The following C8orf34 variants were observed in gnomAD, a reference collection of about 807,000 sequenced individuals.
C8orf34 encodes uncharacterized protein C8orf34.
C8orf34 carries 65 observed loss-of-function variants against 68.3 expected under a neutral mutation model. The ratio of observed to expected loss-of-function variants is 0.95; its 90% CI spans 0.78 to 1.17. The LOEUF (loss-of-function observed/expected upper bound fraction) is 1.17, where lower values mean the gene tolerates loss of function less well. Ranked by LOEUF, C8orf34 falls within the 50% of genes most tolerant of loss-of-function variation. The pLI is 0.00. For missense variants in C8orf34, 664 were observed against 655.4 expected (o/e 1.01, Z -0.14); for synonymous variants, 244 against 241.2 (o/e 1.01, Z -0.11).
intron 1 of C8orf34, among the ~76,000 whole-genome samples, chr8:68,352,651 T>G (rs944309407): frequency 2.6e-5 from 4 of 152,204 alleles, no homozygotes; most frequent in Admixed American, 2.0e-4. Context: ...GGACTTTCAT[T>G]CAAATTTGGT....
intron 7 of C8orf34, among the ~76,000 whole-genome samples, chr8:68,553,592 T>C (rs1008484394): frequency 2.0e-5 from 3 of 152,054 alleles, no homozygotes; most frequent in Admixed American, 6.5e-5. Context: ...TTTGATAATT[T>C]ATTTATTCCT....
rs369143911 is a variant in C8orf34 at position 68,634,404 on chromosome 8, G to C, written c.1106-5972G>C. Among the ~76,000 whole-genome samples, 6 of 152,228 alleles carry C rather than the reference G, an allele frequency of 3.9e-5. No homozygotes were observed. The East Asian group carries it at 1.2e-3, about 29-fold the overall frequency. ...AAGATTCTCAGTTTTCTACATCTAG[G>C]ATATGTTCCTGGTATTTCCTCCCTC... On this transcript the variant is annotated intron_variant, in intron 7 of 13. Transcript: ENST00000518698.
At chr8:68,443,283 A>G (rs532559660) in intron 2 of C8orf34, among the ~76,000 whole-genome samples, 1 of 152,356 alleles carries the variant, frequency 6.6e-6, no homozygotes, top group African/African-American at 2.4e-5. Flanking sequence ...AGAGAAAAGC[A>G]TAGATGAATT....
chr8:68,599,806 T>G (rs1248404058), intron 7 of C8orf34, among the ~76,000 whole-genome samples: 1 of 151,920 alleles, frequency 6.6e-6, no homozygotes, highest in Non-Finnish European at 1.5e-5. Context: ...AAAATTAAAG[T>G]TTTGCTTACC....
chr8:68,629,910 T>C (rs763253608), intron 7 of C8orf34, among the ~76,000 whole-genome samples: 3 of 151,970 alleles, frequency 2.0e-5, no homozygotes, highest in Non-Finnish European at 4.4e-5. Flanking sequence ...AGAAAGAAAA[T>C]AGAGCCAGAT....
intron 12 of C8orf34, among the ~76,000 whole-genome samples, chr8:68,813,557 C>CT (rs200942478): frequency 9.9e-5 from 15 of 150,868 alleles, no homozygotes; most frequent in East Asian, 3.9e-4. Flanking sequence ...ACTTTACATG[C>CT]TTTTTTTTTG....
chr8:68,498,415 T>C (rs150721284), intron 5 of C8orf34, among the ~76,000 whole-genome samples: 205 of 152,324 alleles, frequency 1.3e-3, no homozygotes, highest in African/African-American at 4.6e-3. Context: ...TGAGCACAAC[T>C]GCATTTCAAT....
chr8:68,802,480 G>A (rs1364169430), intron 12 of C8orf34, among the ~76,000 whole-genome samples: 2 of 152,114 alleles, frequency 1.3e-5, no homozygotes, highest in African/African-American at 2.4e-5. Flanking sequence ...CTCTTCTACA[G>A]TTCATATGCC....
intron 1 of C8orf34, among the ~76,000 whole-genome samples, chr8:68,358,713 A>ATT (rs11458417): frequency 6.8e-6 from 1 of 146,680 alleles, no homozygotes; most frequent in African/African-American, 2.5e-5. Context: ...ATATTTATTT[A>ATT]TTTTTTTTTT....
intron 1 of C8orf34, among the ~76,000 whole-genome samples, chr8:68,392,232 T>A (rs2129620758): frequency 6.6e-6 from 1 of 152,064 alleles, no homozygotes; most frequent in East Asian, 1.9e-4. Flanking sequence ...TTCCAATGGG[T>A]TTGAATTAAG....
At chr8:68,688,781 C>A (rs962140270) in intron 8 of C8orf34, among the ~76,000 whole-genome samples, 4 of 151,944 alleles carry the variant, frequency 2.6e-5, no homozygotes, top group African/African-American at 7.2e-5. Context: ...GGGAGCTGAA[C>A]AACGAGAACG....
chr8:68,521,741 G>A (rs2129678302), intron 5 of C8orf34, 58 bp from the exon 6 acceptor site: 1 of 1,470,962 alleles, frequency 6.8e-7, no homozygotes, highest in East Asian at 2.3e-5. Context: ...TTATTTCCCT[G>A]TTGTCCTGTT....
chr8:68,465,722 G>A (rs1182407902), intron 3 of C8orf34, among the ~76,000 whole-genome samples: 5 of 149,382 alleles, frequency 3.3e-5, no homozygotes, highest in Admixed American at 6.8e-5. Flanking sequence ...AACACCGCAT[G>A]TTCTCACTCA....
intron 3 of C8orf34, chr8:68,447,731 G>A (rs1209729624): frequency 6.6e-6 from 1 of 152,166 alleles, no homozygotes; most frequent in Non-Finnish European, 1.5e-5. Flanking sequence ...TTACATAGTG[G>A]TACTCATAAA....
chr8:68,350,742 T>C (rs1263506763), intron 1 of C8orf34, among the ~76,000 whole-genome samples: 2 of 151,968 alleles, frequency 1.3e-5, no homozygotes, highest in African/African-American at 2.4e-5. Context: ...TGTCTGAAAT[T>C]AGTTTTGTCT....
chr8:68,413,414 A>G (rs1206994759), intron 1 of C8orf34, among the ~76,000 whole-genome samples: 1 of 152,222 alleles, frequency 6.6e-6, no homozygotes, highest in Non-Finnish European at 1.5e-5. Flanking sequence ...TGTTCAGTAC[A>G]TATCTACTGA....
chr8:68,680,150 G>A (rs1399877628), intron 8 of C8orf34, among the ~76,000 whole-genome samples: 3 of 152,178 alleles, frequency 2.0e-5, no homozygotes, highest in Middle Eastern at 3.4e-3. Flanking sequence ...CACAGAATAG[G>A]AGGCCATATT....
intron 5 of C8orf34, among the ~76,000 whole-genome samples, chr8:68,497,829 T>C (rs998729892): frequency 1.3e-4 from 20 of 151,124 alleles, no homozygotes; most frequent in Non-Finnish European, 5.9e-5. Flanking sequence ...TGCTTCTATT[T>C]TTGGGGGGAG....
intron 10 of C8orf34, among the ~76,000 whole-genome samples, chr8:68,761,212 T>G (rs1823015011): frequency 6.6e-6 from 1 of 152,218 alleles, no homozygotes; most frequent in Non-Finnish European, 1.5e-5. Flanking sequence ...ACTACCAATC[T>G]GCCTCAATGT....
Sources: gnomAD v4.1 joint callset for allele counts (sites outside exome capture counted in the v4.1 genomes callset) on GRCh38, gnomAD v4.1.1 for gene constraint, MANE v1.5 for transcripts, NCBI Gene and HGNC (gene_info 2026-07-23, HGNC 2026-07-21) for gene names.